NUP153: variants seen among roughly 807,000 people sequenced by gnomAD.
NUP153 encodes the protein nuclear pore complex protein Nup153.
Under a neutral mutation model 134.6 loss-of-function variants are expected in NUP153, and 27 were observed. The observed-to-expected ratio is 0.20, with a 90% CI of 0.15 to 0.28. NUP153 has a LOEUF of 0.28. Ranked by LOEUF, NUP153 falls within the 10% of genes least tolerant of loss-of-function variation. The pLI is 1.00. For synonymous variants in NUP153, 640 were observed against 623.5 expected (o/e 1.03, Z -0.40); for missense variants, 1,821 against 1,731.3 (o/e 1.05, Z -0.92).
intron 1 of NUP153, among the ~76,000 whole-genome samples, chr6:17,699,481 CAAAA>C (rs147055009): frequency 1.0e-5 from 1 of 97,556 alleles, no homozygotes; most frequent in Admixed American, 1.1e-4. Context: ...AGACTCGTCT[CAAAA>C]AAAAAAAAAA....
chr6:17,626,156 C>G lies in NUP153; in HGVS notation c.3553G>C (p.Ala1185Pro). 1 of 1,609,366 alleles carries G rather than the reference C, an allele frequency of 6.2e-7. No individual in the cohort carries two copies. The highest frequency in any genetic ancestry group is 1.3e-5 in the African/African-American group (1 of 74,842). The change falls in exon 19 of 22, where the codon GCA (alanine) becomes CCA (proline). Residue 1185 changes from alanine to proline, a missense_variant. Coordinates refer to ENST00000262077, the MANE Select transcript of NUP153 (RefSeq NM_005124.4). ...AAGAAACTAAAAACTGGCTTTGCTG[C>G]ACCTTGATCTGTAAGACAGAAATTA... Reference protein sequence around the residue: ...AQTSTTADQGAAKPVFSFLNN... With the variant: ...AQTSTTADQGPAKPVFSFLNN...
rs532174271 is a variant in NUP153 at position 17,646,268 on chromosome 6, C to T, written c.1633-114G>A. ...TGTCGCCCAGGCTGGAGTGCAGTGG[C>T]GCAATCCTGGCTCACTGCAACCTCC... On this transcript the variant is annotated intron_variant, in intron 13 of 21. Coordinates refer to ENST00000262077, the MANE Select transcript of NUP153 (RefSeq NM_005124.4). 221 of 502,360 alleles carry T rather than the reference C, an allele frequency of 4.4e-4. No individual in the cohort carries two copies. In the East Asian group the frequency reaches 6.6e-3, roughly 15 times the overall value. The allele number at this position is 502,360 out of a possible 1,614,324, so 31.1% of individuals were successfully genotyped here.
intron 2 of NUP153, among the ~76,000 whole-genome samples, chr6:17,688,073 C>G (rs1183306163): frequency 3.3e-5 from 5 of 151,972 alleles, no homozygotes; most frequent in Non-Finnish European, 7.4e-5. Context: ...GAGCAGAGAT[C>G]ACACCCTGCA....
At chr6:17,702,064 T>C (rs1770148555) in intron 1 of NUP153, among the ~76,000 whole-genome samples, 1 of 151,048 alleles carries the variant, frequency 6.6e-6, no homozygotes, top group Non-Finnish European at 1.5e-5. Context: ...TCAAGTTTTT[T>C]GTAGTGGTTA....
At chr6:17,661,871 A>AC (rs1767207789) in intron 10 of NUP153, 92 bp from the exon 11 acceptor site, 1 of 1,306,176 alleles carries the variant, frequency 7.7e-7, no homozygotes, top group African/African-American at 1.5e-5. Context: ...AAAAAAATAT[A>AC]CAGCTGAACG....
chr6:17,666,129 G>C (rs1457740913), intron 8 of NUP153, among the ~76,000 whole-genome samples: 1 of 151,690 alleles, frequency 6.6e-6, no homozygotes, highest in Admixed American at 6.6e-5. Context: ...ACCTGGCCCA[G>C]AGTGAATTTT....
intron 19 of NUP153, 73 bp from the exon 20 acceptor site, chr6:17,624,906 C>T (rs984258268): frequency 7.1e-7 from 1 of 1,401,776 alleles, no homozygotes; most frequent in Non-Finnish European, 9.5e-7. Flanking sequence ...TTTCTGTAAA[C>T]CCACAAGCAA....
intron 20 of NUP153, among the ~76,000 whole-genome samples, chr6:17,622,187 C>T (rs564091764): frequency 2.0e-5 from 3 of 152,138 alleles, no homozygotes; most frequent in African/African-American, 4.8e-5. Flanking sequence ...CAGTAGCTCA[C>T]GCCTGTAATC....
In NUP153 at chr6:17,706,495, C is replaced by T. The variant is rs1770513031; in HGVS notation, c.-108G>A. On this transcript the variant is annotated 5_prime_UTR_variant, in exon 1 of 22. Coordinates refer to ENST00000262077, the MANE Select transcript of NUP153 (RefSeq NM_005124.4). The surrounding 1 kb of genome is among the most constrained non-coding windows in gnomAD (Gnocchi z 5.9). Reference sequence around the variant, plus strand: ...GCCGCCCGGCCCCGGCCCAAAAGTCCGCCCGCGCTGTCCACACAGTGGGCA... The same window carrying T: ...GCCGCCCGGCCCCGGCCCAAAAGTCTGCCCGCGCTGTCCACACAGTGGGCA... 2 of 782,748 alleles carry T rather than the reference C, an allele frequency of 2.6e-6. No homozygotes were observed. The highest frequency in any genetic ancestry group is 4.0e-6 in the Non-Finnish European group (2 of 496,786). 48.5% of individuals were successfully genotyped at this position (782,748 alleles called of 1,614,324 possible).
intron 8 of NUP153, among the ~76,000 whole-genome samples, chr6:17,665,846 G>A (rs568701788): frequency 2.4e-4 from 36 of 151,686 alleles, no homozygotes; most frequent in Admixed American, 1.1e-3. Flanking sequence ...CACCACACCC[G>A]GCTAATTTTT....
rs534068618 is a variant in NUP153 at position 17,625,483 on chromosome 6, T to C, written c.3901+325A>G. Among the ~76,000 whole-genome samples the C allele has an allele frequency of 1.6e-4, 24 of 152,158 alleles. No homozygotes were observed. Among genetic ancestry groups the C allele is most frequent in the East Asian group, 5.8e-4 (3 of 5,174 alleles). On this transcript the variant is annotated intron_variant, in intron 19 of 21. Transcript: ENST00000262077. This position sits in a 1 kb window ranked among gnomAD's most constrained non-coding sequence, Gnocchi z 4.7. ...AGAGGCAGGTTGCAGTGAGCTGAGATTGCACCACTGCACTCCAGCCTGGGT... is the reference window on the plus strand; with the variant it reads ...AGAGGCAGGTTGCAGTGAGCTGAGACTGCACCACTGCACTCCAGCCTGGGT...
At chr6:17,626,349 T>G (rs1764948647) in intron 18 of NUP153, among the ~76,000 whole-genome samples, 185 bp from the exon 19 acceptor site, 1 of 152,234 alleles carries the variant, frequency 6.6e-6, no homozygotes, top group South Asian at 2.1e-4. Context: ...TCAAATACAT[T>G]CATCTTCTTT....
chr6:17,706,260 G>C lies in NUP153; in HGVS notation c.111+17C>G, dbSNP rs763229577. ...TTTCCCCACCCGCCAGGCCACCGCG[G>C]CGTCGGGGTCCCATACCTGATGCTG... On this transcript the variant is annotated intron_variant, in intron 1 of 21. Coordinates refer to ENST00000262077, the MANE Select transcript of NUP153 (RefSeq NM_005124.4). The surrounding 1 kb of genome is among the most constrained non-coding windows in gnomAD (Gnocchi z 5.9). The C allele has an allele frequency of 1.3e-6, 2 of 1,593,494 alleles. No individual in the cohort carries two copies. The highest frequency in any genetic ancestry group is 1.7e-6 in the Non-Finnish European group (2 of 1,162,084).
chr6:17,632,929 C>T, intron 16 of NUP153, 85 bp from the exon 17 acceptor site: 2 of 989,746 alleles, frequency 2.0e-6, no homozygotes, highest in Non-Finnish European at 2.8e-6. Context: ...AATGGCACTG[C>T]TAAGTTTAAG....
At chr6:17,693,728 A>G (rs568486826) in intron 1 of NUP153, among the ~76,000 whole-genome samples, 1 of 152,262 alleles carries the variant, frequency 6.6e-6, no homozygotes, top group East Asian at 1.9e-4. Context: ...ACTACTAAAA[A>G]TACAAAAATT....
At chr6:17,667,476 A>C (rs1767602085) in intron 8 of NUP153, among the ~76,000 whole-genome samples, 1 of 152,208 alleles carries the variant, frequency 6.6e-6, no homozygotes. Flanking sequence ...GCACTTTGGG[A>C]GGCCGAGGCG....
chr6:17,661,261 C>A (rs945667069), intron 11 of NUP153, among the ~76,000 whole-genome samples: 1 of 152,076 alleles, frequency 6.6e-6, no homozygotes, highest in Non-Finnish European at 1.5e-5. Flanking sequence ...TTGCACTGAG[C>A]CGAGACTGCG....
Position 17,688,628 on chromosome 6 carries a change from GA to G in NUP153, c.112-11del, listed in dbSNP as rs770977863. The G allele has an allele frequency of 1.4e-5, 22 of 1,580,438 alleles. No homozygotes were observed. The South Asian group carries it at 2.4e-4, about 17-fold the overall frequency. The stretch of plus-strand genomic sequence containing the variant: ...CCCTGCTAAGAATGCCCTGTTGAGA[GA>G]AAAAACATATTATGACAGTTTTAGA... On this transcript the variant is annotated splice_polypyrimidine_tract_variant and intron_variant, in intron 1 of 21. Coordinates refer to ENST00000262077, the MANE Select transcript of NUP153 (RefSeq NM_005124.4).
intron 12 of NUP153, 62 bp downstream of exon 12, chr6:17,649,101 T>C (rs1293314247): frequency 1.4e-6 from 2 of 1,423,524 alleles, no homozygotes; most frequent in Admixed American, 2.3e-5. Context: ...ATATAGGGTT[T>C]TTTTTAAATA....
Sources: gnomAD v4.1 joint callset for allele counts (sites outside exome capture counted in the v4.1 genomes callset) on GRCh38, gnomAD v4.1.1 for gene constraint, Gnocchi (gnomAD v3.1) non-coding constraint, MANE v1.5 for transcripts, NCBI Gene and HGNC (gene_info 2026-07-23, HGNC 2026-07-21) for gene names.